GSG1L: variants seen among roughly 807,000 people sequenced by gnomAD.
The protein encoded by GSG1L is GSG1 like, also known as germ cell-specific gene 1-like protein.
A neutral mutation model predicts 42.1 loss-of-function variants in GSG1L; 24 were observed. The observed-to-expected ratio is 0.57, with a 90% CI of 0.41 to 0.80. The LOEUF (loss-of-function observed/expected upper bound fraction) is 0.80, where lower values mean the gene tolerates loss of function less well. Ranked by LOEUF, GSG1L falls within the 30% of genes least tolerant of loss-of-function variation. GSG1L has a pLI of 0.00. For synonymous variants in GSG1L, 215 were observed against 203.5 expected (o/e 1.06, Z -0.48); for missense variants, 445 against 472.2 (o/e 0.94, Z 0.53).
At chr16:28,026,788 C>G (rs1462270087) in intron 1 of GSG1L, among the ~76,000 whole-genome samples, 1 of 152,190 alleles carries the variant, frequency 6.6e-6, no homozygotes, top group Non-Finnish European at 1.5e-5. Context: ...AATTCAAAGT[C>G]ATCAAGAGTG....
intron 2 of GSG1L, among the ~76,000 whole-genome samples, chr16:27,889,242 G>C (rs552120175): frequency 2.6e-5 from 4 of 152,130 alleles, no homozygotes; most frequent in African/African-American, 9.6e-5. Flanking sequence ...CTCCCGCCTC[G>C]GCCTCCCAAA....
chr16:27,984,998 T>C (rs1189999898), intron 1 of GSG1L, among the ~76,000 whole-genome samples: 1 of 152,134 alleles, frequency 6.6e-6, no homozygotes, highest in African/African-American at 2.4e-5. Context: ...CCTCAAGCAG[T>C]CTTCCCGCCC....
rs888024548 is a variant in GSG1L at position 27,789,078 on chromosome 16, T to C, written c.*2292A>G. ...GGATGTGTGACACATGGAAGGAGGA[T>C]GGATGGAAGTCTGATACAAGGAAGG... On this transcript the variant is annotated 3_prime_UTR_variant, in exon 7 of 7. Coordinates refer to ENST00000447459, the MANE Select transcript of GSG1L (RefSeq NM_001109763.2). 6.6e-6 allele frequency: 1 copy of C among 152,150 alleles called. No individual in the cohort carries two copies. The highest frequency in any genetic ancestry group is 2.4e-5 in the African/African-American group (1 of 41,414). The allele number at this position is 152,150 out of a possible 1,614,324, so 9.4% of individuals were successfully genotyped here. A position where few individuals can be genotyped will look rare whatever the true frequency, so the allele number is the denominator to read the frequency against.
At chr16:27,875,060 C>A (rs1266897720) in intron 3 of GSG1L, among the ~76,000 whole-genome samples, 1 of 152,208 alleles carries the variant, frequency 6.6e-6, no homozygotes, top group Non-Finnish European at 1.5e-5. Context: ...CAGACATTGT[C>A]TTGCCTCCAA....
intron 1 of GSG1L, among the ~76,000 whole-genome samples, chr16:27,972,446 C>G (rs1451543673): frequency 4.6e-5 from 7 of 152,194 alleles, no homozygotes; most frequent in Non-Finnish European, 7.3e-5. Flanking sequence ...TTAAATGGCA[C>G]CATATTGGCT....
At chr16:27,890,738 G>A (rs1343515316) in intron 2 of GSG1L, among the ~76,000 whole-genome samples, 1 of 152,228 alleles carries the variant, frequency 6.6e-6, no homozygotes, top group Non-Finnish European at 1.5e-5. Context: ...ACATCCAGAA[G>A]GAATGTCCAT....
intron 1 of GSG1L, among the ~76,000 whole-genome samples, chr16:28,052,627 G>A (rs205409): frequency 0.56 from 85,003 of 151,956 alleles, 24,253 homozygotes; most frequent in South Asian, 0.76. Context: ...CAGGTCCCCA[G>A]TGAGGTCACC....
chr16:28,030,684 A>C (rs2085947269), intron 1 of GSG1L, among the ~76,000 whole-genome samples: 1 of 151,768 alleles, frequency 6.6e-6, no homozygotes, highest in South Asian at 2.1e-4. Context: ...TTCATTTTTG[A>C]ATCCCAATGC....
At chr16:27,887,995 A>G (rs1296966911) in intron 2 of GSG1L, 3 of 620,022 alleles carry the variant, frequency 4.8e-6, no homozygotes, top group South Asian at 1.4e-4. Flanking sequence ...AAATTCAGAG[A>G]GCGCTGAGCC....
At chr16:27,965,546 G>A (rs371654475) in intron 1 of GSG1L, among the ~76,000 whole-genome samples, 7 of 152,216 alleles carry the variant, frequency 4.6e-5, no homozygotes, top group African/African-American at 7.2e-5. Context: ...ACACATTAAT[G>A]TCTATTTCCC....
intron 1 of GSG1L, among the ~76,000 whole-genome samples, chr16:28,002,237 C>T (rs977431175): frequency 3.3e-5 from 5 of 152,090 alleles, no homozygotes; most frequent in African/African-American, 7.2e-5. Context: ...ACAGGGTGAG[C>T]GAGGCTTCTC....
At chr16:27,899,452 C>T (rs573155957) in intron 2 of GSG1L, among the ~76,000 whole-genome samples, 4 of 152,272 alleles carry the variant, frequency 2.6e-5, no homozygotes, top group African/African-American at 7.2e-5. Flanking sequence ...CACAGTGGCT[C>T]GTGCCTGTAA....
In GSG1L at chr16:28,049,016, C is replaced by T. The variant is rs571358175; in HGVS notation, c.349+14060G>A. On this transcript the variant is annotated intron_variant, in intron 1 of 6. Coordinates refer to ENST00000447459, the MANE Select transcript of GSG1L (RefSeq NM_001109763.2). ...GGGTAGAACAAATCAGGCCTGGGGC[C>T]TGAGGATGCGCAGTCTCAGTACAGA... Among the ~76,000 whole-genome samples the T allele has an allele frequency of 2.6e-5, 4 of 152,248 alleles. No individual in the cohort carries two copies. The South Asian group carries it at 6.2e-4, about 24-fold the overall frequency.
At chr16:28,060,849 G>GT (rs1382881106) in intron 1 of GSG1L, among the ~76,000 whole-genome samples, 7 of 152,202 alleles carry the variant, frequency 4.6e-5, no homozygotes, top group Non-Finnish European at 5.9e-5. Context: ...AGCCAACATT[G>GT]TTTTTTAAAT....
chr16:27,928,874 T>C (rs1237185992), intron 2 of GSG1L, among the ~76,000 whole-genome samples: 1 of 152,242 alleles, frequency 6.6e-6, no homozygotes, highest in Non-Finnish European at 1.5e-5. Flanking sequence ...TTTCTGTCCC[T>C]CTTTGCTTCC....
intron 2 of GSG1L, among the ~76,000 whole-genome samples, chr16:27,928,592 AG>A (rs1484978447): frequency 6.6e-6 from 1 of 152,220 alleles, no homozygotes; most frequent in Non-Finnish European, 1.5e-5. Flanking sequence ...TCTGGACACC[AG>A]GGAGAGGCTT....
chr16:28,050,351 T>C (rs1596732823), intron 1 of GSG1L, among the ~76,000 whole-genome samples: 1 of 152,104 alleles, frequency 6.6e-6, no homozygotes, highest in Non-Finnish European at 1.5e-5. Context: ...TGGCTAATGT[T>C]TTTTGTAGAG....
At chr16:27,856,887 T>C (rs1400366624) in intron 3 of GSG1L, among the ~76,000 whole-genome samples, 1 of 152,104 alleles carries the variant, frequency 6.6e-6, no homozygotes, top group East Asian at 1.9e-4. Context: ...CATCAGAACG[T>C]GGAGGTGGGC....
At chr16:27,894,783 G>A (rs1016513391) in intron 2 of GSG1L, among the ~76,000 whole-genome samples, 1 of 152,168 alleles carries the variant, frequency 6.6e-6, no homozygotes, top group Non-Finnish European at 1.5e-5. Context: ...AAATCTCAAT[G>A]CAAAAAGGAG....
Sources: gnomAD v4.1 joint callset for allele counts (sites outside exome capture counted in the v4.1 genomes callset) on GRCh38, gnomAD v4.1.1 for gene constraint, MANE v1.5 for transcripts, NCBI Gene and HGNC (gene_info 2026-07-23, HGNC 2026-07-21) for gene names.